Variants in PARVB observed in about 807,000 individuals in gnomAD.
PARVB encodes parvin beta.
Under a neutral mutation model 47.0 loss-of-function variants are expected in PARVB, and 46 were observed. The observed-to-expected ratio is 0.98, with a 90% CI of 0.77 to 1.25. The LOEUF (loss-of-function observed/expected upper bound fraction) is 1.25. Among genes scored for constraint, PARVB ranks in the 50% most tolerant of loss-of-function variants. PARVB has a pLI of 0.00. For synonymous variants in PARVB, 196 were observed against 196.3 expected, an observed-to-expected ratio of 1.00 and a Z score of 0.01; for missense variants, 473 against 471.6, an observed-to-expected ratio of 1.00 and a Z score of -0.03.
chr22:43,999,463 GA>G, intron 1 of PARVB: 1 of 1,574,552 alleles, frequency 6.4e-7, no homozygotes, highest in South Asian at 1.1e-5. Flanking sequence ...GTTGTACTCA[GA>G]AGTCCAAATT....
intron 2 of PARVB, among the ~76,000 whole-genome samples, chr22:44,003,728 C>G (rs2050435622): frequency 6.6e-6 from 1 of 152,166 alleles, no homozygotes; most frequent in Admixed American, 6.5e-5. Flanking sequence ...GCTTTGGATT[C>G]TCACTTCCTT....
intron 4 of PARVB, among the ~76,000 whole-genome samples, chr22:44,127,260 T>C (rs983166865): frequency 3.3e-5 from 5 of 152,122 alleles, no homozygotes; most frequent in African/African-American, 1.2e-4. Context: ...CACTTTTTTT[T>C]TTTGTACTGA....
intron 1 of PARVB, 26 bp from the exon 2 acceptor site, chr22:44,093,902 G>C: frequency 6.5e-7 from 1 of 1,545,868 alleles, no homozygotes; most frequent in South Asian, 1.1e-5. Context: ...ATACTAACCT[G>C]GTTTTTCTTT....
At chr22:44,010,166 G>C (rs1007845472) in intron 2 of PARVB, among the ~76,000 whole-genome samples, 1 of 152,168 alleles carries the variant, frequency 6.6e-6, no homozygotes, top group Non-Finnish European at 1.5e-5. Context: ...CCGCAGAGGA[G>C]GTCTTGTTCA....
upstream of PARVB, among the ~76,000 whole-genome samples, chr22:44,022,505 C>T (rs558203378): frequency 6.6e-5 from 10 of 152,232 alleles, no homozygotes; most frequent in African/African-American, 2.2e-4. Context: ...AAGCTCTGTG[C>T]CCTTGGTCTT....
chr22:44,129,922 C>G (rs555749268), intron 4 of PARVB, among the ~76,000 whole-genome samples: 1 of 152,190 alleles, frequency 6.6e-6, no homozygotes. Flanking sequence ...TGTGAGCCAA[C>G]AAACGCATGA....
Position 44,163,855 on chromosome 22 carries a change from C to T in PARVB, c.946-3C>T, listed in dbSNP as rs770857186. 7 of 1,604,138 alleles carry T rather than the reference C, an allele frequency of 4.4e-6. No homozygotes were observed. The East Asian group carries it at 1.4e-4, about 31-fold the overall frequency. On this transcript the variant is annotated splice_polypyrimidine_tract_variant and splice_region_variant and intron_variant, in intron 11 of 12. Coordinates refer to ENST00000338758, the MANE Select transcript of PARVB (RefSeq NM_013327.5). ...ACGCTGACCCACCCCCCTTCCTTGGCAGGTCCACAATGTGTCCTTCGCCTT... is the reference window on the plus strand; with the variant it reads ...ACGCTGACCCACCCCCCTTCCTTGGTAGGTCCACAATGTGTCCTTCGCCTT...
chr22:44,103,311 GA>G lies in PARVB; in HGVS notation c.273+3189del, dbSNP rs1314062329. Reference sequence around the variant, plus strand: ...ATAAATGCCTCTCCCCGACTTCCCTGATGTGGGCTTCTGAGACCATGGCTCA... The same window carrying G: ...ATAAATGCCTCTCCCCGACTTCCCTGTGTGGGCTTCTGAGACCATGGCTCA... On this transcript the variant is annotated intron_variant, in intron 3 of 12. Transcript: ENST00000338758. The surrounding 1 kb of genome is among the most constrained non-coding windows in gnomAD (Gnocchi z 4.6). 1.3e-5 allele frequency: 2 copies of G among 152,254 alleles called. No individual in the cohort carries two copies. Among genetic ancestry groups the G allele is most frequent in the Non-Finnish European group, 2.9e-5 (2 of 68,066 alleles). 9.4% of individuals were successfully genotyped at this position (152,254 alleles called of 1,614,324 possible).
intron 6 of PARVB, among the ~76,000 whole-genome samples, chr22:44,133,701 G>C (rs541018222): frequency 3.9e-5 from 6 of 152,254 alleles, no homozygotes; most frequent in Admixed American, 1.3e-4. Context: ...ACCGTGCCTG[G>C]CTAATTTCAA....
chr22:44,034,807 T>C (rs774427625), intron 1 of PARVB, among the ~76,000 whole-genome samples: 5 of 150,122 alleles, frequency 3.3e-5, no homozygotes, highest in Non-Finnish European at 7.4e-5. Context: ...GCCTCCCAGG[T>C]TCAAGTGATT....
At chr22:44,035,646 C>T (rs1054620519) in intron 1 of PARVB, among the ~76,000 whole-genome samples, 7 of 152,142 alleles carry the variant, frequency 4.6e-5, no homozygotes, top group South Asian at 4.1e-4. Context: ...GCTGGGATTA[C>T]GGGTGTGAGC....
Position 44,163,933 on chromosome 22 carries a change from A to G in PARVB, c.1018+3A>G, listed in dbSNP as rs2054107745. 1 of 1,607,286 alleles carries G rather than the reference A, an allele frequency of 6.2e-7. No homozygotes were observed. The highest frequency in any genetic ancestry group is 8.5e-7 in the Non-Finnish European group (1 of 1,176,582). ...GAAACCCAAGGCTCGTCCTGAAGGT[A>G]ATGCCCCTGGCTCAGGTTCCCCCGG... is the stretch of plus-strand genomic sequence containing the variant. On this transcript the variant is annotated splice_donor_region_variant and intron_variant, in intron 12 of 12. Coordinates refer to ENST00000338758, the MANE Select transcript of PARVB (RefSeq NM_013327.5).
Position 44,169,231 on chromosome 22 carries a change from A to G in PARVB, c.*553A>G, listed in dbSNP as rs41278877. 368 of 151,332 alleles carry G rather than the reference A, an allele frequency of 2.4e-3. 5 individuals are homozygous for G. The highest frequency in any genetic ancestry group is 4.0e-3 in the Non-Finnish European group (277 of 68,792). 9.4% of individuals were successfully genotyped at this position (151,332 alleles called of 1,614,324 possible). A position where few individuals can be genotyped will look rare whatever the true frequency, so the allele number is the denominator to read the frequency against. ...AGGGTTTTGCAGTTTGAAAAACTTTAAAGTCCCAGAAGCTTAGATGTGACA... is the reference window on the plus strand; with the variant it reads ...AGGGTTTTGCAGTTTGAAAAACTTTGAAGTCCCAGAAGCTTAGATGTGACA... On this transcript the variant is annotated 3_prime_UTR_variant, in exon 13 of 13. Transcript: ENST00000338758.
chr22:44,012,313 C>T (rs759967397), intron 2 of PARVB, among the ~76,000 whole-genome samples: 9 of 152,210 alleles, frequency 5.9e-5, no homozygotes, highest in Non-Finnish European at 1.2e-4. Context: ...TCAGAGTTTG[C>T]TGATGCTTCC....
chr22:44,076,006 G>T (rs2051764701), intron 1 of PARVB, among the ~76,000 whole-genome samples: 1 of 152,268 alleles, frequency 6.6e-6, no homozygotes, highest in Non-Finnish European at 1.5e-5. Flanking sequence ...TGGCCGTGGG[G>T]CAGGGGACCT....
chr22:44,062,940 G>A (rs2051447315), intron 1 of PARVB, among the ~76,000 whole-genome samples: 1 of 152,186 alleles, frequency 6.6e-6, no homozygotes, highest in Admixed American at 6.5e-5. Flanking sequence ...CCCCTTTCTG[G>A]AGGGTGGGGT....
At chr22:44,013,194 G>C (rs187719176) in intron 2 of PARVB, among the ~76,000 whole-genome samples, 27 of 152,284 alleles carry the variant, frequency 1.8e-4, no homozygotes, top group African/African-American at 6.3e-4. Flanking sequence ...CACCGTGCCT[G>C]ACCGCTTGCA....
At chr22:44,117,176 G>C (rs2147119643) in intron 3 of PARVB, among the ~76,000 whole-genome samples, 1 of 152,252 alleles carries the variant, frequency 6.6e-6, no homozygotes, top group South Asian at 2.1e-4. Flanking sequence ...CCTGTGCTTA[G>C]GGGGTCCTGG....
At position 44,154,735 on chromosome 22, in the gene PARVB, G is replaced by A. The variant is rs1052698927; in HGVS notation, c.843+3184G>A. Among the ~76,000 whole-genome samples the A allele has an allele frequency of 4.7e-5, 7 of 150,004 alleles. No individual in the cohort carries two copies. The South Asian group carries it at 1.3e-3, about 27-fold the overall frequency. On this transcript the variant is annotated intron_variant, in intron 10 of 12. Coordinates refer to ENST00000338758, the MANE Select transcript of PARVB (RefSeq NM_013327.5). ...TGTGTGGTTAAGTAGTCTGTGTGGT[G>A]TGTGTGTGGTTTATGCAGTCTGTGT...
Sources: allele counts gnomAD v4.1 joint callset (sites outside exome capture counted in the v4.1 genomes callset), GRCh38; gene constraint gnomAD v4.1.1; non-coding constraint Gnocchi (gnomAD v3.1); transcripts MANE v1.5; gene names NCBI Gene and HGNC (gene_info 2026-07-23, HGNC 2026-07-21).